The following ZC4H2 variants were observed in gnomAD, a reference collection of about 807,000 sequenced individuals.
The protein encoded by ZC4H2 is zinc finger C4H2 domain-containing protein.
For missense variants in ZC4H2, 137 were observed against 173.9 expected (o/e 0.79, Z 1.19); for synonymous variants, 84 against 66.3 (o/e 1.27, Z -1.30).
At chrX:65,023,400 A>G (rs1932851539) in intron 1 of ZC4H2, among the ~76,000 whole-genome samples, 1 of 111,834 alleles carries the variant, frequency 8.9e-6, no homozygotes, top group Non-Finnish European at 1.9e-5. Context: ...TATGTTAAAT[A>G]GGAGTGGTGA....
intron 1 of ZC4H2, among the ~76,000 whole-genome samples, chrX:65,028,389 C>G (rs1459747980): frequency 1.8e-5 from 2 of 112,291 alleles, no homozygotes; most frequent in Non-Finnish European, 3.8e-5. Context: ...ACTTATTCTT[C>G]CTTGGTGCAT....
At chrX:64,999,344 G>A (rs1194271646) in intron 1 of ZC4H2, among the ~76,000 whole-genome samples, 1 of 111,648 alleles carries the variant, frequency 9.0e-6, no homozygotes, top group East Asian at 2.8e-4. Context: ...AAAGGGTTGG[G>A]GAACTCACTC....
intron 1 of ZC4H2, among the ~76,000 whole-genome samples, chrX:65,025,180 G>T (rs376498705): frequency 2.4e-5 from 2 of 84,217 alleles, no homozygotes; most frequent in Non-Finnish European, 4.3e-5. Context: ...TCACGGTCTC[G>T]CTCTGTCAAC....
chrX:64,993,369 G>T (rs1170842581), intron 1 of ZC4H2, among the ~76,000 whole-genome samples: 1 of 111,341 alleles, frequency 9.0e-6, no homozygotes, highest in East Asian at 2.8e-4. Context: ...TTTCCTAGTT[G>T]CTATGACCTG....
intron 1 of ZC4H2, among the ~76,000 whole-genome samples, chrX:65,030,413 G>T (rs935113629): frequency 1.8e-5 from 2 of 111,590 alleles, no homozygotes; most frequent in African/African-American, 6.5e-5. Context: ...GTGTCTAGCT[G>T]ACCCTTTATA....
chrX:64,919,159 C>T lies in ZC4H2; in HGVS notation c.444G>A (p.Glu148=). 2.5e-6 allele frequency: 3 copies of T among 1,210,845 alleles called. No homozygotes were observed. The highest frequency in any genetic ancestry group is 1.8e-5 in the South Asian group (1 of 56,848). Residue 148 remains glutamate, a synonymous_variant, in exon 4 of 5, where the codon GAG becomes GAA. Transcript: ENST00000374839. ...CGGCCAGGGACTCAGGGATGGGGGG[C>T]TCCTGAGGTTCTGTCTGCCATTCTG... ...QKAEWQTEPQ[E]PPIPESLAAA...
intron 1 of ZC4H2, among the ~76,000 whole-genome samples, chrX:64,936,739 C>T (rs916492837): frequency 3.6e-5 from 4 of 111,644 alleles, no homozygotes. Context: ...ATTCTGTCAC[C>T]ACCAGGCCTG....
intron 1 of ZC4H2, among the ~76,000 whole-genome samples, chrX:65,022,213 GAC>G (rs1932841774): frequency 9.0e-6 from 1 of 111,443 alleles, no homozygotes; most frequent in Non-Finnish European, 1.9e-5. Context: ...ACCTGGCAGA[GAC>G]ACACAAAAAA....
intron 1 of ZC4H2, among the ~76,000 whole-genome samples, chrX:64,985,391 A>G (rs1259287892): frequency 8.9e-6 from 1 of 111,756 alleles, no homozygotes; most frequent in Non-Finnish European, 1.9e-5. Context: ...TGACTGGTAT[A>G]AGATAGTATC....
chrX:65,030,975 T>A (rs746025642), intron 1 of ZC4H2, among the ~76,000 whole-genome samples: 4 of 111,417 alleles, frequency 3.6e-5, no homozygotes, highest in African/African-American at 1.3e-4. Flanking sequence ...AAATTCCCAC[T>A]TATAAATGTT....
At chrX:65,021,880 A>C (rs1472673023) in intron 1 of ZC4H2, among the ~76,000 whole-genome samples, 1 of 112,093 alleles carries the variant, frequency 8.9e-6, no homozygotes, top group East Asian at 2.8e-4. Flanking sequence ...AACTACCATC[A>C]GAGAATACTA....
At chrX:64,967,674 C>T (rs1408994641) in intron 1 of ZC4H2, among the ~76,000 whole-genome samples, 1 of 111,709 alleles carries the variant, frequency 9.0e-6, no homozygotes, top group East Asian at 2.8e-4. Flanking sequence ...ATTTCAAAGT[C>T]ACCCATGAAA....
intron 1 of ZC4H2, among the ~76,000 whole-genome samples, chrX:65,015,396 A>C (rs940578905): frequency 3.7e-4 from 42 of 112,404 alleles, no homozygotes; most frequent in African/African-American, 1.4e-3. Flanking sequence ...TATTCAATTT[A>C]ACTCAACAAG....
upstream of ZC4H2, chrX:64,976,529 T>G: frequency 1.8e-6 from 1 of 561,025 alleles, no homozygotes; most frequent in Non-Finnish European, 2.9e-6. Context: ...GTCCGGAGCT[T>G]CAGGGCCAGC....
In ZC4H2 at chrX:64,987,052, C is replaced by T. The variant is rs181031263; in HGVS notation, c.-272+47577G>A. ...ACGCCATTCTCTTGCCTCAGCCTCC[C>T]GAGTAGCTGGGACTACAGGCGCCCG... is the stretch of plus-strand genomic sequence containing the variant. On this transcript the variant is annotated intron_variant, in intron 1 of 4. Transcript: ENST00000337990. Among the ~76,000 whole-genome samples the T allele has an allele frequency of 4.4e-3, 477 of 107,846 alleles. 1 individual carries two copies. Among genetic ancestry groups the T allele is most frequent in the African/African-American group, 0.015 (451 of 29,468 alleles). 93.7% of individuals were successfully genotyped at this position (107,846 alleles called of 115,157 possible).
rs374308800 is a variant in ZC4H2 at position 64,922,247 on chromosome X, CA to C, written c.54-260del. The stretch of plus-strand genomic sequence containing the variant: ...GCAACATAGTGAGACCTTATATCTA[CA>C]AAAAAAAAAAAGAAAAAGAAAAAAG... On this transcript the variant is annotated intron_variant, in intron 1 of 4. Transcript: ENST00000374839. The C allele has an allele frequency of 0.075, 5,852 of 77,845 alleles. No homozygotes were observed. Among genetic ancestry groups the C allele is most frequent in the Non-Finnish European group, 0.082 (4,128 of 50,497 alleles). The allele number at this position is 77,845 out of a possible 1,213,427, so 6.4% of individuals were successfully genotyped here. A position where few individuals can be genotyped will look rare whatever the true frequency, so the allele number is the denominator to read the frequency against.
chrX:64,936,506 T>A (rs1351083850), intron 1 of ZC4H2, among the ~76,000 whole-genome samples: 2 of 111,574 alleles, frequency 1.8e-5, no homozygotes, highest in Admixed American at 1.9e-4. Flanking sequence ...GGAAAAAATG[T>A]TAAGGGAAGC....
chrX:64,996,494 C>G (rs1932416334), intron 1 of ZC4H2, among the ~76,000 whole-genome samples: 1 of 111,151 alleles, frequency 9.0e-6, no homozygotes, highest in South Asian at 3.7e-4. Flanking sequence ...AGAAAATAAA[C>G]AGAAACTATC....
intron 1 of ZC4H2, among the ~76,000 whole-genome samples, chrX:64,983,514 C>T (rs1046705052): frequency 4.5e-5 from 5 of 111,228 alleles, no homozygotes; most frequent in African/African-American, 1.6e-4. Flanking sequence ...ATAGATGTGG[C>T]CAATCTGTCA....
Sources: gnomAD v4.1 joint callset for allele counts (sites outside exome capture counted in the v4.1 genomes callset) on GRCh38, gnomAD v4.1.1 for gene constraint, MANE v1.5 for transcripts, NCBI Gene and HGNC (gene_info 2026-07-23, HGNC 2026-07-21) for gene names.